Variants in BIN2 observed in about 807,000 individuals in gnomAD.
BIN2 encodes the protein bridging integrator 2, also known as breast cancer associated protein BRAP1.
BIN2 carries 43 observed loss-of-function variants against 67.9 expected under a neutral mutation model. That is an observed-to-expected ratio of 0.63 (90% CI 0.50 to 0.82). BIN2 has a LOEUF of 0.82. BIN2 is among the 40% of genes least tolerant of loss of function. The pLI is 0.00. For synonymous variants in BIN2, 244 were observed against 246.8 expected, an observed-to-expected ratio of 0.99 and a Z score of 0.11; for missense variants, 581 against 671.6, an observed-to-expected ratio of 0.87 and a Z score of 1.49.
intron 11 of BIN2, among the ~76,000 whole-genome samples, chr12:51,287,214 G>A (rs925953142): frequency 1.3e-5 from 2 of 152,066 alleles, no homozygotes; most frequent in African/African-American, 4.8e-5. Flanking sequence ...TCACAGGTGT[G>A]ATCGTAGCAT....
At chr12:51,317,118 C>G (rs993757797) in intron 1 of BIN2, among the ~76,000 whole-genome samples, 1 of 151,994 alleles carries the variant, frequency 6.6e-6, no homozygotes, top group African/African-American at 2.4e-5. Context: ...TCAGGTGATC[C>G]GCCCGCCTCA....
At chr12:51,299,552 G>A in intron 6 of BIN2, 55 bp downstream of exon 6, 6 of 1,524,448 alleles carry the variant, frequency 3.9e-6, no homozygotes, top group Non-Finnish European at 4.5e-6. Flanking sequence ...CTACCACCAT[G>A]GGGAGAAGGA....
At chr12:51,295,772 A>C in intron 9 of BIN2, 24 bp downstream of exon 9, 1 of 1,607,524 alleles carries the variant, frequency 6.2e-7, no homozygotes. Flanking sequence ...CAAGCGAAGC[A>C]AAAAAGTCTT....
At chr12:51,289,607 C>A (rs539850485) in intron 10 of BIN2, among the ~76,000 whole-genome samples, 4 of 151,960 alleles carry the variant, frequency 2.6e-5, no homozygotes, top group Non-Finnish European at 4.4e-5. Flanking sequence ...CAGAGTGAGA[C>A]CCTGTCTCAA....
intron 9 of BIN2, among the ~76,000 whole-genome samples, chr12:51,295,588 A>T (rs1277092944): frequency 3.7e-4 from 5 of 13,460 alleles, no homozygotes; most frequent in South Asian, 2.7e-3. Context: ...ATATATATAT[A>T]TATATATATA....
intron 9 of BIN2, among the ~76,000 whole-genome samples, chr12:51,294,142 C>T (rs190353701): frequency 1.3e-5 from 2 of 152,186 alleles, no homozygotes; most frequent in East Asian, 3.9e-4. Flanking sequence ...ACAGTAACAA[C>T]TATAGAAAGG....
chr12:51,288,487 T>G (rs925801424), intron 10 of BIN2, among the ~76,000 whole-genome samples: 2 of 152,182 alleles, frequency 1.3e-5, no homozygotes, highest in Non-Finnish European at 2.9e-5. Flanking sequence ...CTACTTAATT[T>G]TTCTTCATAT....
At position 51,281,424 on chromosome 12, in the gene BIN2, C is replaced by T. The variant is rs3759175; in HGVS notation, c.*75G>A. 0.043 allele frequency: 63,552 copies of T among 1,475,236 alleles called. 6,483 individuals carry two copies. Among genetic ancestry groups the T allele is most frequent in the East Asian group, 0.33 (14,441 of 44,176 alleles). 91.4% of individuals were successfully genotyped at this position (1,475,236 alleles called of 1,614,324 possible). A position where few individuals can be genotyped will look rare whatever the true frequency, so the allele number is the denominator to read the frequency against. The stretch of plus-strand genomic sequence containing the variant: ...AGGGATGGATGCTGGCTCTTATATC[C>T]CTCTGACCTATACCCTCTGGTTGAA... On this transcript the variant is annotated 3_prime_UTR_variant, in exon 13 of 13. Coordinates refer to ENST00000615107, the MANE Select transcript of BIN2 (RefSeq NM_016293.4).
At position 51,288,172 on chromosome 12, in the gene BIN2, C is replaced by T. The variant is rs1407401969; in HGVS notation, c.1532G>A (p.Gly511Glu). The T allele has an allele frequency of 6.2e-7, 1 of 1,613,872 alleles. No homozygotes were observed. Among genetic ancestry groups the T allele is most frequent in the Non-Finnish European group, 8.5e-7 (1 of 1,179,770 alleles). The change falls in exon 11 of 13, where the codon GGA becomes GAA. Residue 511 changes from glycine (G) to glutamate (E), a missense_variant. By Grantham distance (98) the Gly-to-Glu change is moderately conservative. Coordinates refer to ENST00000615107, the MANE Select transcript of BIN2 (RefSeq NM_016293.4). ...LMTSQVASEP[G>E]EAKKMEDKEK... ...CTTGTCTTCCATCTTCTTTGCCTCT[C>T]CAGGCTCTGAAGCAACCTGTGAATC...
At chr12:51,294,434 GCA>G (rs1945477350) in intron 9 of BIN2, among the ~76,000 whole-genome samples, 1 of 152,050 alleles carries the variant, frequency 6.6e-6, no homozygotes, top group African/African-American at 2.4e-5. Flanking sequence ...GGGTGTGGTG[GCA>G]TGTGCCTGTA....
At chr12:51,286,049 G>A (rs966339885) in intron 11 of BIN2, among the ~76,000 whole-genome samples, 6 of 151,986 alleles carry the variant, frequency 3.9e-5, no homozygotes, top group Non-Finnish European at 7.4e-5. Flanking sequence ...ATCACCTCCC[G>A]GAAAGTTATC....
At chr12:51,299,108 A>G in intron 7 of BIN2, 95 bp downstream of exon 7, 1 of 869,850 alleles carries the variant, frequency 1.1e-6, no homozygotes, top group Non-Finnish European at 1.8e-6. Flanking sequence ...GCAGTGTGGG[A>G]ATTTAAATCT....
chr12:51,313,228 A>AAGGAAGGAAGGAAGGAAGGC (rs1565687607), intron 2 of BIN2, among the ~76,000 whole-genome samples: 10 of 139,658 alleles, frequency 7.2e-5, no homozygotes, highest in African/African-American at 2.3e-4. Flanking sequence ...GGAAGGCAGG[A>AAGGAAGGAAGGAAGGAAGGC]AGGCAGGCAG....
At chr12:51,281,572 C>T (rs766324338) in intron 12 of BIN2, 44 bp from the exon 13 acceptor site, 1 of 1,606,268 alleles carries the variant, frequency 6.2e-7, no homozygotes, top group South Asian at 1.1e-5. Flanking sequence ...CCTGCCTTCC[C>T]ACCAACCACT....
chr12:51,312,897 TA>T (rs1300736262), intron 2 of BIN2, among the ~76,000 whole-genome samples: 1 of 152,096 alleles, frequency 6.6e-6, no homozygotes, highest in African/African-American at 2.4e-5. Flanking sequence ...AATATAATTT[TA>T]AAAATTATTT....
intron 12 of BIN2, 22 bp from the exon 13 acceptor site, chr12:51,281,550 G>C (rs919406061): frequency 1.2e-6 from 2 of 1,613,926 alleles, no homozygotes. Context: ...ACATGATTGT[G>C]TTAGGTGTTG....
chr12:51,302,624 CT>C (rs1945756811), intron 4 of BIN2, 61 bp downstream of exon 4: 6 of 1,371,486 alleles, frequency 4.4e-6, no homozygotes, highest in South Asian at 1.2e-5. Flanking sequence ...AGAAGCTAAG[CT>C]GAGGTTGAGA....
At position 51,324,042 on chromosome 12, in the gene BIN2, ACTT is replaced by A. The variant is rs774777732; in HGVS notation, c.58_60del (p.Lys20del). On this transcript the variant is annotated inframe_deletion, in exon 1 of 13. Transcript: ENST00000615107. ...CCTACCTTCTCCTGGGCCCTGCTAAACTTCTTCTGCACCTGCTTGGCGAAGAGG... is the reference window on the plus strand; with the variant it reads ...CCTACCTTCTCCTGGGCCCTGCTAAACTTCTGCACCTGCTTGGCGAAGAGG... 5.6e-6 allele frequency: 9 copies of A among 1,613,286 alleles called. No individual in the cohort carries two copies. Among genetic ancestry groups the A allele is most frequent in the Non-Finnish European group, 5.9e-6 (7 of 1,179,654 alleles).
At chr12:51,323,890 C>A (rs950990764) in intron 1 of BIN2, 132 bp downstream of exon 1, 14 of 1,089,736 alleles carry the variant, frequency 1.3e-5, no homozygotes, top group Non-Finnish European at 1.8e-5. Context: ...CCTGGGAGAG[C>A]GGGAGACCCT....
Sources: gnomAD v4.1 joint callset for allele counts (sites outside exome capture counted in the v4.1 genomes callset) on GRCh38, gnomAD v4.1.1 for gene constraint, MANE v1.5 for transcripts, NCBI Gene and HGNC (gene_info 2026-07-23, HGNC 2026-07-21) for gene names.